Variants in LAMC3 observed in about 807,000 individuals in gnomAD.
The protein encoded by LAMC3 is laminin subunit gamma-3.
Under a neutral mutation model 173.8 loss-of-function variants are expected in LAMC3, and 128 were observed. That is an observed-to-expected ratio of 0.74 (90% CI 0.64 to 0.85). LAMC3 has a LOEUF of 0.85. Among genes scored for constraint, LAMC3 ranks in the 40% least tolerant of loss-of-function variants. LAMC3 has a pLI of 0.00. For missense variants in LAMC3, 2,022 were observed against 2,156.0 expected (o/e 0.94, Z 1.23); for synonymous variants, 897 against 909.1 (o/e 0.99, Z 0.24).
chr9:131,065,889 CAAGATGATGATG>C lies in LAMC3; in HGVS notation c.2348-1061_2348-1050del, dbSNP rs752071947. ...TGATGAGAAGGATGAGGTTAGTGGTCAAGATGATGATGAAGATGATGGTCAGGATGATGATGA... is the reference window on the plus strand; with the variant it reads ...TGATGAGAAGGATGAGGTTAGTGGTCAAGATGATGGTCAGGATGATGATGA... On this transcript the variant is annotated intron_variant, in intron 13 of 27. Coordinates refer to ENST00000361069, the MANE Select transcript of LAMC3 (RefSeq NM_006059.4). Among the ~76,000 whole-genome samples, 685 of 150,946 alleles carry C rather than the reference CAAGATGATGATG, an allele frequency of 4.5e-3. 2 individuals carry two copies. Among genetic ancestry groups the C allele is most frequent in the Non-Finnish European group, 7.2e-3 (486 of 67,896 alleles).
chr9:131,051,685 C>T (rs1834288835), intron 9 of LAMC3, among the ~76,000 whole-genome samples: 1 of 152,104 alleles, frequency 6.6e-6, no homozygotes, highest in Non-Finnish European at 1.5e-5. Flanking sequence ...CTTACGAGGA[C>T]AGTGGAAATA....
chr9:131,045,618 G>A lies in LAMC3; in HGVS notation c.1477G>A (p.Ala493Thr). ...CCACTCCAAGGTGTGCGCGTCCACTGCCCAGTTCCAGGTGCATCACATCCT... is the reference window on the plus strand; with the variant it reads ...CCACTCCAAGGTGTGCGCGTCCACTACCCAGTTCCAGGTGCATCACATCCT... ...YGHSKVCAST[A>T]QFQVHHILSD... The change falls in exon 8 of 28, where the codon GCC becomes ACC. Residue 493 changes from alanine to threonine, a missense_variant. By Grantham distance (58) the Ala-to-Thr change is moderately conservative (BLOSUM62 0). Coordinates refer to ENST00000361069, the MANE Select transcript of LAMC3 (RefSeq NM_006059.4). 6.2e-7 allele frequency: 1 copy of A among 1,614,174 alleles called. No individual in the cohort carries two copies. The highest frequency in any genetic ancestry group is 8.5e-7 in the Non-Finnish European group (1 of 1,180,046).
chr9:131,071,726 C>A, intron 18 of LAMC3, 101 bp downstream of exon 18: 1 of 1,285,324 alleles, frequency 7.8e-7, no homozygotes, highest in Non-Finnish European at 1.0e-6. Context: ...CCCAAAACAG[C>A]CCTGTTGCCA....
At chr9:131,033,663 G>A (rs911565502) in intron 3 of LAMC3, among the ~76,000 whole-genome samples, 16 of 152,256 alleles carry the variant, frequency 1.1e-4, no homozygotes, top group African/African-American at 3.4e-4. Flanking sequence ...AGCCAAGTGG[G>A]GCAGATAGGA....
At chr9:131,032,566 CTTGCTCTCTCTCGCTT>C (rs1564368433) in intron 3 of LAMC3, among the ~76,000 whole-genome samples, 4,402 of 146,980 alleles carry the variant, frequency 0.03, 202 homozygotes, top group African/African-American at 0.11. Context: ...CGCTCTCTCT[CTTGCTCTCTCTCGCTT>C]GCTCTCTTTC....
chr9:131,014,749 G>C (rs1334496912), intron 1 of LAMC3, among the ~76,000 whole-genome samples: 1 of 152,244 alleles, frequency 6.6e-6, no homozygotes, highest in Admixed American at 6.5e-5. Flanking sequence ...GAGACGGGAA[G>C]ATCACTTGAA....
rs1357204565 is a variant in LAMC3 at position 131,020,222 on chromosome 9, C to T, written c.374-6063C>T. Among the ~76,000 whole-genome samples, 7 of 152,306 alleles carry T rather than the reference C, an allele frequency of 4.6e-5. No homozygotes were observed. In the East Asian group the frequency reaches 7.7e-4, roughly 17 times the overall value. On this transcript the variant is annotated intron_variant, in intron 1 of 27. Transcript: ENST00000361069. ...CAGAACCAGGTGGGTGAGCTGCTCC[C>T]AGCCTACAGGGGAGTCACACCCAGC... is the stretch of plus-strand genomic sequence containing the variant.
intron 11 of LAMC3, among the ~76,000 whole-genome samples, 190 bp from the exon 12 acceptor site, chr9:131,056,739 A>G (rs1834413680): frequency 6.6e-6 from 1 of 152,160 alleles, no homozygotes; most frequent in South Asian, 2.1e-4. Context: ...CTACAGAGCT[A>G]TGATTGCACC....
chr9:131,090,911 C>G (rs1830413587), intron 27 of LAMC3, among the ~76,000 whole-genome samples: 1 of 152,220 alleles, frequency 6.6e-6, no homozygotes, highest in Non-Finnish European at 1.5e-5. Flanking sequence ...CACCTGTAAT[C>G]CCAGATACTC....
chr9:131,068,016 C>A, intron 14 of LAMC3, 62 bp from the exon 15 acceptor site: 1 of 1,576,328 alleles, frequency 6.3e-7, no homozygotes, highest in Non-Finnish European at 8.6e-7. Context: ...TCTGTTGGAC[C>A]CCCAAAGTTG....
At chr9:131,091,195 C>G (rs1830418550) in intron 27 of LAMC3, among the ~76,000 whole-genome samples, 1 of 152,256 alleles carries the variant, frequency 6.6e-6, no homozygotes, top group Non-Finnish European at 1.5e-5. Context: ...GCAAAAATCA[C>G]AGGGGCCTTT....
At chr9:131,076,588 A>G (rs979342113) in intron 21 of LAMC3, among the ~76,000 whole-genome samples, 51 of 152,170 alleles carry the variant, frequency 3.4e-4, no homozygotes, top group African/African-American at 1.2e-3. Flanking sequence ...GGAGTAAGGG[A>G]TGGAAGGGAA....
intron 14 of LAMC3, 35 bp downstream of exon 14, chr9:131,067,240 T>G: frequency 6.2e-7 from 1 of 1,609,888 alleles, no homozygotes; most frequent in Non-Finnish European, 8.5e-7. Context: ...GGGTGGCACA[T>G]GGTGGGCCCC....
At position 131,009,674 on chromosome 9, in the gene LAMC3, C is replaced by G; in HGVS notation, c.373+87C>G. 1.3e-6 allele frequency: 2 copies of G among 1,481,618 alleles called. No individual in the cohort carries two copies. Among genetic ancestry groups the G allele is most frequent in the African/African-American group, 2.8e-5 (2 of 71,414 alleles). 91.8% of individuals were successfully genotyped at this position (1,481,618 alleles called of 1,614,324 possible). A position where few individuals can be genotyped will look rare whatever the true frequency, so the allele number is the denominator to read the frequency against. ...GGCTGAGGCCTGAGCTGCTGTGCGC[C>G]CAGGTTGGGCTGCAGGACCCAGATA... On this transcript the variant is annotated intron_variant, in intron 1 of 27. Transcript: ENST00000361069. This position sits in a 1 kb window ranked among gnomAD's most constrained non-coding sequence, Gnocchi z 4.3.
Position 131,092,177 on chromosome 9 carries a change from T to A in LAMC3, c.*390T>A, listed in dbSNP as rs545048914. ...CCACAGCTGTTGTGAGAGCCACCTG[T>A]GTGCTGGACACCCTCTGGATGTTGG... is the stretch of plus-strand genomic sequence containing the variant. On this transcript the variant is annotated 3_prime_UTR_variant, in exon 28 of 28. Coordinates refer to ENST00000361069, the MANE Select transcript of LAMC3 (RefSeq NM_006059.4). 3.7e-6 allele frequency: 1 copy of A among 270,206 alleles called. No homozygotes were observed. The highest frequency in any genetic ancestry group is 2.2e-5 in the African/African-American group (1 of 45,744). 16.7% of individuals were successfully genotyped at this position (270,206 alleles called of 1,614,324 possible). A position where few individuals can be genotyped will look rare whatever the true frequency, so the allele number is the denominator to read the frequency against.
chr9:131,067,126 C>A lies in LAMC3; in HGVS notation c.2514C>A (p.Thr838=). Residue 838 remains threonine (T), a synonymous_variant, in exon 14 of 28, where the codon ACC becomes ACA. Transcript: ENST00000361069. ...SGHCLRCLHN[T]TGDHCEHCQE... is the part of the protein sequence containing the mutation. The stretch of plus-strand genomic sequence containing the variant: ...ACTGCCTGCGCTGCCTGCACAACAC[C>A]ACGGGTGACCACTGTGAGCACTGTC... The A allele has an allele frequency of 6.2e-7, 1 of 1,614,190 alleles. No individual in the cohort carries two copies. The highest frequency in any genetic ancestry group is 1.3e-5 in the African/African-American group (1 of 75,046).
At chr9:131,076,072 C>A (rs957722512) in intron 21 of LAMC3, 107 bp downstream of exon 21, 1 of 1,129,616 alleles carries the variant, frequency 8.9e-7, no homozygotes, top group East Asian at 2.6e-5. Context: ...TGAGTCCTGA[C>A]GTTCTTTGTC....
chr9:131,034,740 C>G (rs1833909923), intron 3 of LAMC3, among the ~76,000 whole-genome samples: 1 of 152,214 alleles, frequency 6.6e-6, no homozygotes, highest in Non-Finnish European at 1.5e-5. Context: ...CAGCTCAGGA[C>G]AGGGACAGTG....
chr9:131,066,874 G>A, intron 13 of LAMC3, 86 bp from the exon 14 acceptor site: 2 of 1,552,148 alleles, frequency 1.3e-6, no homozygotes, highest in Non-Finnish European at 1.8e-6. Context: ...GGAAGGTGGA[G>A]GGACGCTTGC....
Sources: allele counts gnomAD v4.1 joint callset (sites outside exome capture counted in the v4.1 genomes callset), GRCh38; gene constraint gnomAD v4.1.1; non-coding constraint Gnocchi (gnomAD v3.1); transcripts MANE v1.5; gene names NCBI Gene and HGNC (gene_info 2026-07-23, HGNC 2026-07-21).